Variants in DLGAP1 observed in about 807,000 individuals in gnomAD.
DLGAP1 encodes the protein DLG associated protein 1.
Under a neutral mutation model 90.8 loss-of-function variants are expected in DLGAP1, and 11 were observed. That is an observed-to-expected ratio of 0.12 (90% CI 0.08 to 0.20). The LOEUF (loss-of-function observed/expected upper bound fraction) is 0.20. Among genes scored for constraint, DLGAP1 ranks in the 10% least tolerant of loss-of-function variants. DLGAP1 has a pLI of 1.00. For missense variants in DLGAP1, 1,050 were observed against 1,333.8 expected (o/e 0.79, Z 3.31); for synonymous variants, 558 against 540.7 (o/e 1.03, Z -0.44).
intron 7 of DLGAP1, among the ~76,000 whole-genome samples, chr18:3,609,364 A>G (rs1373756943): frequency 6.6e-6 from 1 of 152,198 alleles, no homozygotes; most frequent in African/African-American, 2.4e-5. Context: ...TTCCTTTGGA[A>G]GGCTGCTGTA....
chr18:3,555,186 T>C (rs2053680012), intron 9 of DLGAP1, among the ~76,000 whole-genome samples: 1 of 152,214 alleles, frequency 6.6e-6, no homozygotes, highest in Admixed American at 6.5e-5. Flanking sequence ...AATCCCTTCT[T>C]CCTGTTTGAC....
intron 5 of DLGAP1, among the ~76,000 whole-genome samples, chr18:3,811,499 A>C (rs1362193040): frequency 6.6e-6 from 1 of 152,184 alleles, no homozygotes; most frequent in African/African-American, 2.4e-5. Context: ...CTCCATCCTA[A>C]GTAAAATGTT....
chr18:3,756,075 A>G (rs2063707106), intron 5 of DLGAP1, among the ~76,000 whole-genome samples: 2 of 151,592 alleles, frequency 1.3e-5, no homozygotes, highest in Admixed American at 1.3e-4. Context: ...TTTGAGGTGG[A>G]GTCTCACTCT....
At chr18:3,973,888 T>C (rs2073509763) in intron 3 of DLGAP1, among the ~76,000 whole-genome samples, 1 of 152,002 alleles carries the variant, frequency 6.6e-6, no homozygotes, top group Admixed American at 6.6e-5. Flanking sequence ...GAATGCAGAG[T>C]GGACTTAGAT....
chr18:3,734,407 T>C (rs766329183), intron 6 of DLGAP1, among the ~76,000 whole-genome samples: 2 of 152,128 alleles, frequency 1.3e-5, no homozygotes, highest in Non-Finnish European at 2.9e-5. Context: ...CACGAGCTAC[T>C]GCACTCAGCC....
chr18:3,928,562 A>G (rs2072445079), intron 3 of DLGAP1, among the ~76,000 whole-genome samples: 1 of 152,190 alleles, frequency 6.6e-6, no homozygotes, highest in African/African-American at 2.4e-5. Flanking sequence ...TGTGCCAGGC[A>G]TGGTTCCAAG....
In DLGAP1 at chr18:3,879,461, C is replaced by T; in HGVS notation, c.608G>A (p.Ser203Asn). The change falls in exon 4 of 13, where the codon AGC (serine) becomes AAC (asparagine). Residue 203 changes from serine to asparagine, a missense_variant. Ser to Asn is a conservative substitution (Grantham distance 46). Around this residue, in one of 2 missense-constraint regions of DLGAP1, gnomAD observed 485 missense variants for 454.1 expected, o/e 1.07. Coordinates refer to ENST00000315677, the MANE Select transcript of DLGAP1 (RefSeq NM_004746.4). The surrounding 1 kb of genome is among the most constrained non-coding windows in gnomAD (Gnocchi z 6.6). ...GTCACCATCCAGGTTGTCGTCCGAG[C>T]TCCACCAGCCCGGGGAGGTGCTGGG... Reference protein sequence around the residue: ...ARPSTSPGWWSSDDNLDGDMC... With the variant: ...ARPSTSPGWWNSDDNLDGDMC... 1 of 1,606,528 alleles carries T rather than the reference C, an allele frequency of 6.2e-7. No homozygotes were observed. The highest frequency in any genetic ancestry group is 8.5e-7 in the Non-Finnish European group (1 of 1,179,934).
chr18:3,828,811 C>T (rs2067875654), intron 4 of DLGAP1, among the ~76,000 whole-genome samples: 1 of 151,704 alleles, frequency 6.6e-6, no homozygotes, highest in Admixed American at 6.6e-5. Flanking sequence ...ATATCTATGA[C>T]CCAAAGTCGA....
At chr18:3,586,502 T>C (rs1197313086) in intron 7 of DLGAP1, among the ~76,000 whole-genome samples, 1 of 152,076 alleles carries the variant, frequency 6.6e-6, no homozygotes, top group Admixed American at 6.5e-5. Context: ...TTTTTTTTTT[T>C]CAACTACAGA....
At chr18:4,434,898 G>A (rs1402350292) in intron 1 of DLGAP1, among the ~76,000 whole-genome samples, 2 of 152,136 alleles carry the variant, frequency 1.3e-5, no homozygotes. Flanking sequence ...GTGTTATTTA[G>A]GAAATGACAA....
intron 1 of DLGAP1, among the ~76,000 whole-genome samples, chr18:4,236,942 C>T (rs2078429033): frequency 1.3e-5 from 2 of 152,138 alleles, no homozygotes; most frequent in Admixed American, 1.3e-4. Flanking sequence ...AAACAGTTCT[C>T]CTACCCTTGA....
At chr18:4,447,921 G>A (rs1598437408) in intron 1 of DLGAP1, among the ~76,000 whole-genome samples, 2 of 152,228 alleles carry the variant, frequency 1.3e-5, no homozygotes, top group Middle Eastern at 6.8e-3. Flanking sequence ...ATCTGTCAGT[G>A]GTTCCTATCA....
chr18:4,249,780 G>C (rs552269190), intron 1 of DLGAP1, among the ~76,000 whole-genome samples: 197 of 152,078 alleles, frequency 1.3e-3, no homozygotes, highest in African/African-American at 4.6e-3. Flanking sequence ...TAGAGACGGG[G>C]GTCTCACTAT....
intron 5 of DLGAP1, among the ~76,000 whole-genome samples, chr18:3,784,418 C>T (rs185499585): frequency 1.0e-3 from 155 of 152,220 alleles, no homozygotes; most frequent in African/African-American, 2.6e-3. Context: ...TCTTCTTTTT[C>T]GTAAGCTGTT....
At chr18:4,222,060 T>C (rs946934757) in intron 1 of DLGAP1, among the ~76,000 whole-genome samples, 1 of 152,166 alleles carries the variant, frequency 6.6e-6, no homozygotes, top group African/African-American at 2.4e-5. Context: ...GTTTCTCAAT[T>C]TTCTCTCCTA....
chr18:4,204,808 T>C lies in DLGAP1; in HGVS notation c.-266-53521A>G, dbSNP rs1023771661. ...GAAGGTCAAAGTCAATTCCTTTCCT[T>C]AAGTTCCCTCAAAAGACTTATATGC... On this transcript the variant is annotated intron_variant, in intron 1 of 12. Transcript: ENST00000315677. Among the ~76,000 whole-genome samples the C allele has an allele frequency of 7.9e-5, 12 of 152,102 alleles. 1 individual carries two copies. The highest frequency in any genetic ancestry group is 1.5e-5 in the Non-Finnish European group (1 of 68,024).
intron 1 of DLGAP1, among the ~76,000 whole-genome samples, chr18:4,339,362 T>C: frequency 6.6e-6 from 1 of 152,148 alleles, no homozygotes; most frequent in East Asian, 1.9e-4. Flanking sequence ...AGACAAAAAG[T>C]TAATGCATGC....
At chr18:4,419,322 A>G (rs913637014) in intron 1 of DLGAP1, among the ~76,000 whole-genome samples, 1 of 152,150 alleles carries the variant, frequency 6.6e-6, no homozygotes, top group African/African-American at 2.4e-5. Flanking sequence ...GGGAGCTACA[A>G]GATGAGATTT....
intron 3 of DLGAP1, among the ~76,000 whole-genome samples, chr18:3,958,113 C>T (rs922389875): frequency 5.9e-5 from 9 of 151,990 alleles, no homozygotes; most frequent in Admixed American, 6.6e-5. Flanking sequence ...AGGCTGGTCT[C>T]GAACTCCTGA....
Sources: gnomAD v4.1 joint callset for allele counts (sites outside exome capture counted in the v4.1 genomes callset) on GRCh38, gnomAD v4.1.1 for gene constraint, gnomAD v4.1.1 regional missense constraint, Gnocchi (gnomAD v3.1) non-coding constraint, MANE v1.5 for transcripts, NCBI Gene and HGNC (gene_info 2026-07-23, HGNC 2026-07-21) for gene names.